AHCTF1: variants seen among roughly 807,000 people sequenced by gnomAD.
AHCTF1 encodes the protein AT-hook containing transcription factor 1, also known as protein ELYS.
AHCTF1 carries 24 observed loss-of-function variants against 248.4 expected under a neutral mutation model. The observed-to-expected ratio is 0.10, with a 90% confidence interval of 0.07 to 0.14. The LOEUF is 0.14. AHCTF1 is among the 10% of genes least tolerant of loss of function. The pLI, the probability that AHCTF1 is intolerant of heterozygous loss-of-function variation, is 1.00. For synonymous variants in AHCTF1, 786 were observed against 929.8 expected (o/e 0.85, Z 2.81); for missense variants, 2,206 against 2,636.2 (o/e 0.84, Z 3.57).
intron 29 of AHCTF1, among the ~76,000 whole-genome samples, chr1:246,859,766 T>TG (rs1477617324): frequency 2.6e-5 from 4 of 151,964 alleles, no homozygotes; most frequent in Non-Finnish European, 2.9e-5. Context: ...TTTGTAGAGA[T>TG]GGGGTCTCCC....
intron 26 of AHCTF1, among the ~76,000 whole-genome samples, chr1:246,865,858 C>A (rs1294992575): frequency 1.3e-5 from 2 of 152,062 alleles, no homozygotes; most frequent in South Asian, 2.1e-4. Context: ...TCAGAACTAA[C>A]CTTTTCTGAT....
At chr1:246,874,802 GAAC>G (rs1450571962) in intron 24 of AHCTF1, among the ~76,000 whole-genome samples, 2 of 151,976 alleles carry the variant, frequency 1.3e-5, no homozygotes, top group African/African-American at 2.4e-5. Context: ...ACATATCCCT[GAAC>G]AACATTAAAA....
intron 29 of AHCTF1, 87 bp from the exon 30 acceptor site, chr1:246,857,901 T>G: frequency 1.6e-6 from 2 of 1,259,272 alleles, no homozygotes; most frequent in South Asian, 2.9e-5. Flanking sequence ...TAAAAAGTTG[T>G]TGGGTCTGCT....
At chr1:246,923,566 T>C (rs1235148256) in intron 1 of AHCTF1, among the ~76,000 whole-genome samples, 1 of 152,152 alleles carries the variant, frequency 6.6e-6, no homozygotes, top group African/African-American at 2.4e-5. Context: ...TAAAAAGCTA[T>C]TTGGATATTT....
Position 246,861,258 on chromosome 1 carries a change from G to A in AHCTF1, c.3773C>T (p.Pro1258Leu), listed in dbSNP as rs201984673. 1 of 1,612,102 alleles carries A rather than the reference G, an allele frequency of 6.2e-7. No individual in the cohort carries two copies. The highest frequency in any genetic ancestry group is 8.5e-7 in the Non-Finnish European group (1 of 1,179,028). Residue 1258 changes from proline (P) to leucine (L), a missense_variant, in exon 29 of 36, where the codon CCT (proline) becomes CTT (leucine). This residue lies in a region of AHCTF1 where 955 missense variants were observed against 1,055.6 expected (regional missense o/e 0.90). Coordinates refer to ENST00000648844, the MANE Select transcript of AHCTF1 (RefSeq NM_001323342.2). ...DDSKLEVFTTPKKCAVPVETE... is the reference protein window; with the variant it reads ...DDSKLEVFTTLKKCAVPVETE... ...TTCCACTGGAACTGCACATTTTTTA[G>A]GTGTAGTAAATACTTCTAATTTGCT...
intron 7 of AHCTF1, 152 bp downstream of exon 7, chr1:246,903,797 C>T: frequency 1.7e-6 from 1 of 603,396 alleles, no homozygotes; most frequent in Non-Finnish European, 2.9e-6. Context: ...AAGATTGCAC[C>T]ACTGCACTCC....
intron 32 of AHCTF1, among the ~76,000 whole-genome samples, chr1:246,852,243 A>T (rs1356968463): frequency 3.3e-5 from 5 of 152,330 alleles, no homozygotes; most frequent in South Asian, 2.1e-4. Context: ...CTTCCCAACT[A>T]AAAGAACTGG....
At chr1:246,855,382 T>G (rs1214557798) in intron 31 of AHCTF1, among the ~76,000 whole-genome samples, 4 of 152,244 alleles carry the variant, frequency 2.6e-5, no homozygotes, top group Non-Finnish European at 5.9e-5. Flanking sequence ...CATTTGTGAT[T>G]ATTTTCTAAT....
In AHCTF1 at chr1:246,891,768, A is replaced by G; in HGVS notation, c.1945+11T>C. 7 of 1,604,732 alleles carry G rather than the reference A, an allele frequency of 4.4e-6. No individual in the cohort carries two copies. Among genetic ancestry groups the G allele is most frequent in the Non-Finnish European group, 5.9e-6 (7 of 1,177,868 alleles). On this transcript the variant is annotated intron_variant, in intron 15 of 35. Transcript: ENST00000648844. The stretch of plus-strand genomic sequence containing the variant: ...TAATAAAACACTCATTTGATAAAAC[A>G]AAGAGCGTACCTCTCTCAGTGATCT...
chr1:246,885,676 C>G lies in AHCTF1; in HGVS notation c.2477G>C (p.Gly826Ala), dbSNP rs1663764853. Reference sequence around the variant, plus strand: ...AGCTGGATGAAACAAAAGATCCAAACCACTCTGGAAATAACATGAAAAATG... The same window carrying G: ...AGCTGGATGAAACAAAAGATCCAAAGCACTCTGGAAATAACATGAAAAATG... Reference protein sequence around the residue: ...WLIDHNDYESGLDLLFHPATA... With the variant: ...WLIDHNDYESALDLLFHPATA... The change falls in exon 21 of 36, where the codon GGT (glycine) becomes GCT (alanine). Residue 826 changes from glycine to alanine, a missense_variant. Around this residue, in one of 6 missense-constraint regions of AHCTF1, gnomAD observed 650 missense variants for 870.8 expected, o/e 0.75. Coordinates refer to ENST00000648844, the MANE Select transcript of AHCTF1 (RefSeq NM_001323342.2). 6.2e-7 allele frequency: 1 copy of G among 1,608,824 alleles called. No homozygotes were observed. Among genetic ancestry groups the G allele is most frequent in the African/African-American group, 1.3e-5 (1 of 74,478 alleles).
Position 246,861,312 on chromosome 1 carries a change from T to TGAAAA in AHCTF1, c.3736-22_3736-18dup. ...ATCTGCAGCCTGTAAAGTAAGATTT[T>TGAAAA]GAAAAGAAAAAAATTAGTAAATATC... On this transcript the variant is annotated splice_polypyrimidine_tract_variant and intron_variant, in intron 28 of 35. Coordinates refer to ENST00000648844, the MANE Select transcript of AHCTF1 (RefSeq NM_001323342.2). The TGAAAA allele has an allele frequency of 1.3e-6, 2 of 1,580,892 alleles. No homozygotes were observed.
At position 246,850,212 on chromosome 1, in the gene AHCTF1, T is replaced by C; in HGVS notation, c.5794A>G (p.Ile1932Val). Reference sequence around the variant, plus strand: ...CCTCTGACCCTTCTAACATGTTTAATACGCAGCTGCTTGTCACTGGATTTA... The same window carrying C: ...CCTCTGACCCTTCTAACATGTTTAACACGCAGCTGCTTGTCACTGGATTTA... Reference protein sequence around the residue: ...DDKSSDKQLRIKHVRRVRGRE... With the variant: ...DDKSSDKQLRVKHVRRVRGRE... The change falls in exon 33 of 36, where the codon ATT becomes GTT. Residue 1932 changes from isoleucine (I) to valine (V), a missense_variant. By Grantham distance (29) the Ile-to-Val change is conservative. Transcript: ENST00000648844. 6.2e-7 allele frequency: 1 copy of C among 1,613,964 alleles called. No individual in the cohort carries two copies. The highest frequency in any genetic ancestry group is 1.3e-5 in the African/African-American group (1 of 75,048).
chr1:246,907,747 G>T lies in AHCTF1; in HGVS notation c.568C>A (p.Leu190Ile). Reference protein sequence around the residue: ...NEVEASDLEVLTGIPAEVPHI... With the variant: ...NEVEASDLEVITGIPAEVPHI... ...GGTACTTCAGCTGGGATACCAGTTA[G>T]AACTTCAAGATCTAAAACCACAAAT... Residue 190 changes from leucine to isoleucine, a missense_variant, in exon 5 of 36, where the codon CTA (leucine) becomes ATA (isoleucine). Coordinates refer to ENST00000648844, the MANE Select transcript of AHCTF1 (RefSeq NM_001323342.2). 6.2e-7 allele frequency: 1 copy of T among 1,612,360 alleles called. No individual in the cohort carries two copies. Among genetic ancestry groups the T allele is most frequent in the Non-Finnish European group, 8.5e-7 (1 of 1,179,562 alleles).
At chr1:246,881,657 G>A (rs1663419888) in intron 21 of AHCTF1, among the ~76,000 whole-genome samples, 1 of 151,874 alleles carries the variant, frequency 6.6e-6, no homozygotes, top group Non-Finnish European at 1.5e-5. Context: ...ACCAACATGG[G>A]TGAAACCCTG....
intron 33 of AHCTF1, among the ~76,000 whole-genome samples, chr1:246,846,257 T>C (rs978768400): frequency 6.6e-6 from 1 of 151,770 alleles, no homozygotes; most frequent in Non-Finnish European, 1.5e-5. Context: ...AATCATATAG[T>C]ATACCTATAC....
chr1:246,869,686 T>A (rs937576037), intron 24 of AHCTF1, among the ~76,000 whole-genome samples: 1 of 152,064 alleles, frequency 6.6e-6, no homozygotes, highest in Non-Finnish European at 1.5e-5. Context: ...ACCGAATATT[T>A]TAAGCCTACT....
intron 34 of AHCTF1, among the ~76,000 whole-genome samples, chr1:246,843,068 T>G (rs1474026329): frequency 6.6e-6 from 1 of 151,244 alleles, no homozygotes; most frequent in African/African-American, 2.5e-5. Context: ...ATCCAGGCTC[T>G]CACTTTCTAA....
chr1:246,873,799 C>G (rs1007798851), intron 24 of AHCTF1, among the ~76,000 whole-genome samples: 1 of 152,198 alleles, frequency 6.6e-6, no homozygotes, highest in Non-Finnish European at 1.5e-5. Flanking sequence ...GAGCAAGCTC[C>G]CCTTTCCTGC....
At chr1:246,904,138 A>C (rs1489587656) in intron 6 of AHCTF1, 105 bp from the exon 7 acceptor site, 1 of 871,954 alleles carries the variant, frequency 1.1e-6, no homozygotes, top group Non-Finnish European at 1.8e-6. Context: ...GCATGTGACA[A>C]AACTAAAATC....
Sources: allele counts gnomAD v4.1 joint callset (sites outside exome capture counted in the v4.1 genomes callset), GRCh38; gene constraint gnomAD v4.1.1; regional missense constraint gnomAD v4.1.1; transcripts MANE v1.5; gene names NCBI Gene and HGNC (gene_info 2026-07-23, HGNC 2026-07-21).